SEPTIN9: variants seen among roughly 807,000 people sequenced by gnomAD.
SEPTIN9 encodes septin-9.
SEPTIN9 carries 13 observed loss-of-function variants against 56.6 expected under a neutral mutation model. The ratio of observed to expected loss-of-function variants is 0.23; its 90% confidence interval spans 0.15 to 0.37. The LOEUF (loss-of-function observed/expected upper bound fraction) is 0.37, where lower values mean the gene tolerates loss of function less well. SEPTIN9 is among the 10% of genes least tolerant of loss of function. The pLI, the probability that SEPTIN9 is intolerant of heterozygous loss-of-function variation, is 1.00. For missense variants in SEPTIN9, 650 were observed against 823.1 expected, an observed-to-expected ratio of 0.79 and a Z score of 2.57; for synonymous variants, 332 against 334.1, an observed-to-expected ratio of 0.99 and a Z score of 0.07.
rs543635558 is a variant in SEPTIN9, at chr17:77,433,328, C to A, written c.721+30625C>A. ...TCACTGGCCATTGCCTGAGACCCGA[C>A]CTGGTGGCTCCTGCCCCAAGGAGCA... is the stretch of plus-strand genomic sequence containing the variant. On this transcript the variant is annotated intron_variant, in intron 3 of 11. Coordinates refer to ENST00000427177, the MANE Select transcript of SEPTIN9 (RefSeq NM_001113491.2). The surrounding 1 kb of genome is among the most constrained non-coding windows in gnomAD (Gnocchi z 6.4). 7.9e-5 allele frequency among the ~76,000 whole-genome samples: 12 copies of A among 152,098 alleles called. No individual in the cohort carries two copies. Among genetic ancestry groups the A allele is most frequent in the Middle Eastern group, 6.8e-3 (2 of 294 alleles).
At chr17:77,297,684 A>G (rs2031877524) in intron 1 of SEPTIN9, among the ~76,000 whole-genome samples, 1 of 152,204 alleles carries the variant, frequency 6.6e-6, no homozygotes, top group African/African-American at 2.4e-5. Context: ...GCTGCATGCC[A>G]GGTGCTGTGA....
intron 2 of SEPTIN9, chr17:77,320,031 C>T (rs901432698): frequency 1.5e-5 from 21 of 1,365,510 alleles, no homozygotes; most frequent in Non-Finnish European, 2.0e-5. Context: ...CGGGCCCTCT[C>T]TCCTGCCTCC....
chr17:77,387,648 C>T (rs1211666158), intron 2 of SEPTIN9, among the ~76,000 whole-genome samples: 1 of 152,140 alleles, frequency 6.6e-6, no homozygotes, highest in Non-Finnish European at 1.5e-5. Flanking sequence ...ATCTCAGGTC[C>T]TCTGAATGGC....
At chr17:77,446,042 T>C (rs1161503172) in intron 3 of SEPTIN9, 1 of 167,878 alleles carries the variant, frequency 6.0e-6, no homozygotes, top group Non-Finnish European at 1.5e-5. Context: ...GGCAGAGTTC[T>C]GCACAAGGAA....
At chr17:77,334,984 T>C (rs954627901) in intron 2 of SEPTIN9, among the ~76,000 whole-genome samples, 7 of 151,954 alleles carry the variant, frequency 4.6e-5, no homozygotes, top group African/African-American at 1.7e-4. Flanking sequence ...ATGTAGGCCC[T>C]GTGTTGACTG....
intron 2 of SEPTIN9, among the ~76,000 whole-genome samples, chr17:77,384,842 AACACACAC>A (rs146495461): frequency 0.31 from 44,161 of 142,040 alleles, 7,247 homozygotes; most frequent in Non-Finnish European, 0.39. Context: ...AACCTGTTTA[AACACACAC>A]ACACACACAC....
chr17:77,425,156 C>T lies in SEPTIN9; in HGVS notation c.721+22453C>T, dbSNP rs1400968596. ...TGCCCTCCCCCAGAGCCCCACTGAC[C>T]TGCACCATGTGACCCGGGCCTGGGA... On this transcript the variant is annotated intron_variant, in intron 3 of 11. Coordinates refer to ENST00000427177, the MANE Select transcript of SEPTIN9 (RefSeq NM_001113491.2). The surrounding 1 kb of genome is among the most constrained non-coding windows in gnomAD (Gnocchi z 4.2). Among the ~76,000 whole-genome samples the T allele has an allele frequency of 2.0e-5, 3 of 152,220 alleles. No individual in the cohort carries two copies. The highest frequency in any genetic ancestry group is 4.8e-5 in the African/African-American group (2 of 41,454).
intron 3 of SEPTIN9, chr17:77,442,139 T>C (rs1278834872): frequency 1.3e-5 from 2 of 152,168 alleles, no homozygotes; most frequent in Non-Finnish European, 2.9e-5. Context: ...GTTATCTCAG[T>C]TGATTGTTCA....
chr17:77,406,513 A>C (rs759449146), intron 3 of SEPTIN9, among the ~76,000 whole-genome samples: 1 of 152,124 alleles, frequency 6.6e-6, no homozygotes, highest in Non-Finnish European at 1.5e-5. Flanking sequence ...CTTTCTTTAA[A>C]ATGCAGGAAG....
At chr17:77,419,942 G>A (rs971125782) in intron 3 of SEPTIN9, 1 of 152,332 alleles carries the variant, frequency 6.6e-6, no homozygotes, top group South Asian at 2.1e-4. Flanking sequence ...GTCTTCTGGT[G>A]GGGGGCATGG....
rs988812622 is a variant in SEPTIN9, at chr17:77,405,280, C to T, written c.721+2577C>T. The T allele has an allele frequency of 2.5e-5, 17 of 692,124 alleles. No homozygotes were observed. The highest frequency in any genetic ancestry group is 5.6e-5 in the East Asian group (2 of 35,678). 42.9% of individuals were successfully genotyped at this position (692,124 alleles called of 1,614,324 possible). ...GCGGGCTCTGCTTTCTGGAGCTCAC[C>T]GAGCCGTGAGCAGGATGGCTGGGAC... is the stretch of plus-strand genomic sequence containing the variant. On this transcript the variant is annotated intron_variant, in intron 3 of 11. Transcript: ENST00000427177. This position sits in a 1 kb window ranked among gnomAD's most constrained non-coding sequence, Gnocchi z 5.8.
chr17:77,399,471 G>C (rs903251838), intron 2 of SEPTIN9, among the ~76,000 whole-genome samples: 1 of 152,166 alleles, frequency 6.6e-6, no homozygotes, highest in Admixed American at 6.5e-5. Context: ...AGGAGGCAGG[G>C]AGCAGATCAG....
Position 77,402,200 on chromosome 17 carries a change from C to G in SEPTIN9, c.218C>G (p.Pro73Arg). 6.2e-7 allele frequency: 1 copy of G among 1,613,720 alleles called. No individual in the cohort carries two copies. Among genetic ancestry groups the G allele is most frequent in the Non-Finnish European group, 8.5e-7 (1 of 1,179,886 alleles). ...GACCTGGGCGTGAAGAACTCAGAAC[C>G]CTCGGCCCGCCATGTGGACTCCCTA... ...FQDLGVKNSEPSARHVDSLSQ... is the reference protein window; with the variant it reads ...FQDLGVKNSERSARHVDSLSQ... The change falls in exon 3 of 12, where the codon CCC becomes CGC. Residue 73 changes from proline (P) to arginine (R), a missense_variant. By Grantham distance (103) the Pro-to-Arg change is moderately radical. This residue lies in a region of SEPTIN9 where 317 missense variants were observed against 329.1 expected (regional missense o/e 0.96). Coordinates refer to ENST00000427177, the MANE Select transcript of SEPTIN9 (RefSeq NM_001113491.2). This position sits in a 1 kb window ranked among gnomAD's most constrained non-coding sequence, Gnocchi z 6.6.
intron 3 of SEPTIN9, among the ~76,000 whole-genome samples, chr17:77,408,604 G>A (rs1316321878): frequency 7.3e-6 from 1 of 136,514 alleles, no homozygotes; most frequent in Non-Finnish European, 1.5e-5. Flanking sequence ...GGGCTCCCTG[G>A]AACCACCCAA....
chr17:77,431,880 G>A, intron 3 of SEPTIN9, among the ~76,000 whole-genome samples: 1 of 151,760 alleles, frequency 6.6e-6, no homozygotes, highest in Non-Finnish European at 1.5e-5. Context: ...CCTCTCTCAG[G>A]GATTTTCATC....
intron 11 of SEPTIN9, among the ~76,000 whole-genome samples, chr17:77,497,929 C>CG (rs1372641240): frequency 2.9e-4 from 6 of 20,902 alleles, no homozygotes; most frequent in African/African-American, 1.1e-3. Context: ...TCCAGGTTGG[C>CG]GGGGGCAGGG....
chr17:77,352,020 G>A (rs2034079712), intron 2 of SEPTIN9, among the ~76,000 whole-genome samples: 1 of 152,206 alleles, frequency 6.6e-6, no homozygotes, highest in East Asian at 1.9e-4. Context: ...TGGGGGAGGG[G>A]CCCTTGCCGG....
intron 3 of SEPTIN9, among the ~76,000 whole-genome samples, chr17:77,464,499 G>C (rs1221141197): frequency 6.6e-6 from 1 of 152,128 alleles, no homozygotes; most frequent in Admixed American, 6.5e-5. Flanking sequence ...AGGTAAAAGG[G>C]TTAAATATTA....
intron 3 of SEPTIN9, among the ~76,000 whole-genome samples, chr17:77,408,094 C>T (rs1323390320): frequency 6.6e-6 from 1 of 152,166 alleles, no homozygotes; most frequent in Non-Finnish European, 1.5e-5. Context: ...TCTTGGGATG[C>T]TCACTGGGGG....
Sources: gnomAD v4.1 joint callset for allele counts (sites outside exome capture counted in the v4.1 genomes callset) on GRCh38, gnomAD v4.1.1 for gene constraint, gnomAD v4.1.1 regional missense constraint, Gnocchi (gnomAD v3.1) non-coding constraint, MANE v1.5 for transcripts, NCBI Gene and HGNC (gene_info 2026-07-23, HGNC 2026-07-21) for gene names.